SLC36A1: variants seen among roughly 807,000 people sequenced by gnomAD.
SLC36A1 encodes solute carrier family 36 member 1, also known as proton-coupled amino acid transporter 1.
In SLC36A1, 30 loss-of-function variants were observed where a neutral mutation model predicts 47.5. The observed-to-expected ratio is 0.63, with a 90% CI of 0.47 to 0.86. The LOEUF is 0.86. Among genes scored for constraint, SLC36A1 ranks in the 40% least tolerant of loss-of-function variants. The probability of loss-of-function intolerance (pLI) is 0.00; values close to 1 mark genes in which losing one functional copy is unlikely to be tolerated. For missense variants in SLC36A1, 517 were observed against 606.0 expected (o/e 0.85, Z 1.54); for synonymous variants, 255 against 249.7 (o/e 1.02, Z -0.20).
the SLC36A1 span, among the ~76,000 whole-genome samples, chr5:151,393,437 C>A: frequency 6.6e-6 from 1 of 152,106 alleles, no homozygotes; most frequent in Non-Finnish European, 1.5e-5. Flanking sequence ...GAATTTGATC[C>A]TGTCATTATG....
chr5:151,388,310 G>T, the SLC36A1 span, among the ~76,000 whole-genome samples: 1 of 151,790 alleles, frequency 6.6e-6, no homozygotes, highest in Non-Finnish European at 1.5e-5. Flanking sequence ...AAGACCAGAC[G>T]GTCCAACATG....
the SLC36A1 span, among the ~76,000 whole-genome samples, chr5:151,370,064 G>C: frequency 6.6e-6 from 1 of 152,146 alleles, no homozygotes; most frequent in Non-Finnish European, 1.5e-5. Flanking sequence ...ACCTCCCAAA[G>C]TGTTGGGATT....
chr5:151,381,205 A>G, the SLC36A1 span: 50 of 374,962 alleles, frequency 1.3e-4, no homozygotes, highest in Non-Finnish European at 2.3e-4. Flanking sequence ...CCCATGGACT[A>G]TATGCCTCCT....
intron 9 of SLC36A1, chr5:151,477,103 G>A (rs574840772): frequency 4.5e-4 from 172 of 380,982 alleles, no homozygotes; most frequent in Non-Finnish European, 8.0e-4. Context: ...TCCCAGCATC[G>A]GTTGTGCCTC....
upstream of SLC36A1, among the ~76,000 whole-genome samples, chr5:151,444,482 A>G (rs527749980): frequency 1.1e-4 from 16 of 152,180 alleles, no homozygotes; most frequent in African/African-American, 3.9e-4. Flanking sequence ...GTGTATAAAA[A>G]TATTATTGAT....
chr5:151,534,464 G>A, the SLC36A1 span: 1 of 1,613,826 alleles, frequency 6.2e-7, no homozygotes, highest in African/African-American at 1.3e-5. Flanking sequence ...CTGTGGTGTT[G>A]TCGAAGACAG....
chr5:151,543,323 A>G, the SLC36A1 span: 1 of 1,614,198 alleles, frequency 6.2e-7, no homozygotes, highest in Admixed American at 1.7e-5. Context: ...ATAACCGGAG[A>G]GTCTTTACTG....
the SLC36A1 span, among the ~76,000 whole-genome samples, chr5:151,516,503 G>A: frequency 3.2e-4 from 49 of 152,224 alleles, no homozygotes; most frequent in South Asian, 4.1e-4. Flanking sequence ...GCGACAGAGT[G>A]AGACTCTGTC....
intron 5 of SLC36A1, among the ~76,000 whole-genome samples, chr5:151,466,856 G>C (rs1171780883): frequency 2.6e-5 from 4 of 152,174 alleles, no homozygotes; most frequent in Admixed American, 2.0e-4. Flanking sequence ...AAACCACACA[G>C]ATAGCACCTC....
At chr5:151,500,557 G>A in the SLC36A1 span, among the ~76,000 whole-genome samples, 2 of 152,100 alleles carry the variant, frequency 1.3e-5, no homozygotes, top group Non-Finnish European at 2.9e-5. Flanking sequence ...TAGTAGAGAC[G>A]GGGTTTCACC....
chr5:151,369,185 C>A, the SLC36A1 span, among the ~76,000 whole-genome samples: 1 of 152,212 alleles, frequency 6.6e-6, no homozygotes, highest in Non-Finnish European at 1.5e-5. Context: ...AACCAGATGA[C>A]CCAGTCTACA....
chr5:151,513,628 A>G, the SLC36A1 span, among the ~76,000 whole-genome samples: 1 of 152,166 alleles, frequency 6.6e-6, no homozygotes. Context: ...AGGACAAAAA[A>G]CTACCTATCA....
chr5:151,536,918 C>T, the SLC36A1 span, among the ~76,000 whole-genome samples: 1 of 152,324 alleles, frequency 6.6e-6, no homozygotes, highest in Non-Finnish European at 1.5e-5. Flanking sequence ...AGTTTCTGGC[C>T]TTCTGTCAGG....
At chr5:151,412,970 G>A in the SLC36A1 span, among the ~76,000 whole-genome samples, 1,289 of 144,164 alleles carry the variant, frequency 8.9e-3, 179 homozygotes, top group Middle Eastern at 0.025. Context: ...TACTCTTATA[G>A]CACCAGTCCA....
the SLC36A1 span, among the ~76,000 whole-genome samples, chr5:151,530,375 C>T: frequency 1.3e-5 from 2 of 152,152 alleles, no homozygotes; most frequent in Admixed American, 6.5e-5. Flanking sequence ...GGCCTTTGAT[C>T]CAAATGTCAT....
At chr5:151,528,609 C>T in the SLC36A1 span, among the ~76,000 whole-genome samples, 4 of 151,912 alleles carry the variant, frequency 2.6e-5, no homozygotes, top group East Asian at 3.9e-4. Context: ...GAAGTGCAGA[C>T]GATGTTTTGG....
chr5:151,536,617 A>T, the SLC36A1 span, among the ~76,000 whole-genome samples: 1 of 152,156 alleles, frequency 6.6e-6, no homozygotes, highest in South Asian at 2.1e-4. Flanking sequence ...CTCCTGGCCT[A>T]CCCTGCAGGA....
At chr5:151,551,376 C>T in the SLC36A1 span, 2 of 1,344,762 alleles carry the variant, frequency 1.5e-6, no homozygotes, top group East Asian at 2.3e-5. Flanking sequence ...TGAGGAACAC[C>T]ACATCCACAG....
chr5:151,551,541 G>A, the SLC36A1 span: 1 of 1,614,232 alleles, frequency 6.2e-7, no homozygotes, highest in Non-Finnish European at 8.5e-7. Flanking sequence ...CTGGTATCAA[G>A]AGGCCTGGCA....
Sources: gnomAD v4.1 joint callset for allele counts (sites outside exome capture counted in the v4.1 genomes callset) on GRCh38, gnomAD v4.1.1 for gene constraint, MANE v1.5 for transcripts, NCBI Gene and HGNC (gene_info 2026-07-23, HGNC 2026-07-21) for gene names.